Variants in EIF4G3 observed in about 807,000 individuals in gnomAD.
The protein encoded by EIF4G3 is eukaryotic translation initiation factor 4 gamma 3.
EIF4G3 carries 34 observed loss-of-function variants against 186.4 expected under a neutral mutation model. The ratio of observed to expected loss-of-function variants is 0.18; its 90% CI spans 0.14 to 0.24. The LOEUF (loss-of-function observed/expected upper bound fraction) is 0.24, where lower values mean the gene tolerates loss of function less well. Ranked by LOEUF, EIF4G3 falls within the 10% of genes least tolerant of loss-of-function variation. The probability of loss-of-function intolerance (pLI) is 1.00; values close to 1 mark genes in which losing one functional copy is unlikely to be tolerated. For synonymous variants in EIF4G3, 673 were observed against 679.5 expected, an observed-to-expected ratio of 0.99 and a Z score of 0.15; for missense variants, 1,536 against 1,948.5, an observed-to-expected ratio of 0.79 and a Z score of 3.99.
intron 4 of EIF4G3, among the ~76,000 whole-genome samples, chr1:21,032,360 C>T (rs1055882310): frequency 2.0e-5 from 3 of 152,110 alleles, no homozygotes; most frequent in African/African-American, 7.2e-5. Flanking sequence ...CATTACAATT[C>T]AAAGTCTATC....
At chr1:20,825,509 A>T (rs2063391842) in intron 32 of EIF4G3, among the ~76,000 whole-genome samples, 1 of 152,206 alleles carries the variant, frequency 6.6e-6, no homozygotes, top group Non-Finnish European at 1.5e-5. Flanking sequence ...TGACTTTCAA[A>T]CTAAGATGTC....
At chr1:21,175,296 T>C (rs2098080520) in intron 2 of EIF4G3, 1 of 152,172 alleles carries the variant, frequency 6.6e-6, no homozygotes, top group Non-Finnish European at 1.5e-5. Context: ...ACCAAGTCTT[T>C]TCAATCAAAG....
chr1:20,900,228 T>C (rs1308370812), intron 15 of EIF4G3, among the ~76,000 whole-genome samples: 3 of 152,186 alleles, frequency 2.0e-5, no homozygotes, highest in Non-Finnish European at 4.4e-5. Context: ...TGTTAATCCA[T>C]GGAACTTTAT....
chr1:20,933,158 G>A (rs2095392711), intron 14 of EIF4G3, among the ~76,000 whole-genome samples: 1 of 152,136 alleles, frequency 6.6e-6, no homozygotes, highest in Non-Finnish European at 1.5e-5. Flanking sequence ...GCATCCTGAA[G>A]AGCTTAAAAA....
At chr1:21,137,343 A>G (rs1414437190) in intron 2 of EIF4G3, among the ~76,000 whole-genome samples, 5 of 152,044 alleles carry the variant, frequency 3.3e-5, no homozygotes, top group Admixed American at 2.6e-4. Flanking sequence ...ACGAGGTCTC[A>G]CTACACTGCT....
chr1:21,144,070 C>T (rs1558166634), intron 2 of EIF4G3, among the ~76,000 whole-genome samples: 2 of 152,140 alleles, frequency 1.3e-5, no homozygotes, highest in Non-Finnish European at 2.9e-5. Context: ...CTAAATGAAG[C>T]AATTTCATGT....
In EIF4G3 at chr1:20,970,285, G is replaced by C. The variant is rs115557794; in HGVS notation, c.592-689C>G. ...ATCATGCCTTTTCCAGCAAAGACTG[G>C]AAAAAGGTTGATCGAGAACAGAATA... On this transcript the variant is annotated intron_variant, in intron 11 of 36. Transcript: ENST00000602326. Among the ~76,000 whole-genome samples, 794 of 152,244 alleles carry C rather than the reference G, an allele frequency of 5.2e-3. 14 individuals are homozygous for C. Among genetic ancestry groups the C allele is most frequent in the East Asian group, 0.024 (125 of 5,178 alleles).
At chr1:21,064,335 A>G (rs770779803) in intron 3 of EIF4G3, among the ~76,000 whole-genome samples, 1 of 152,182 alleles carries the variant, frequency 6.6e-6, no homozygotes, top group Non-Finnish European at 1.5e-5. Flanking sequence ...CAGGAATAGG[A>G]TTTAATGAGT....
At chr1:21,024,480 CG>C (rs1183421429) in intron 4 of EIF4G3, among the ~76,000 whole-genome samples, 1 of 149,762 alleles carries the variant, frequency 6.7e-6, no homozygotes. Flanking sequence ...ATTGAGAAAT[CG>C]GATGGTTGCC....
At chr1:20,815,510 G>T (rs1570929662) in intron 34 of EIF4G3, among the ~76,000 whole-genome samples, 1 of 151,902 alleles carries the variant, frequency 6.6e-6, no homozygotes, top group African/African-American at 2.4e-5. Context: ...CTGCCCGGCC[G>T]CCCCGTCTGA....
intron 15 of EIF4G3, among the ~76,000 whole-genome samples, chr1:20,901,209 A>G (rs1383821850): frequency 6.6e-6 from 1 of 152,174 alleles, no homozygotes; most frequent in Non-Finnish European, 1.5e-5. Context: ...GAAACAATTT[A>G]TTTTATAAAG....
At chr1:20,889,221 T>C (rs1037352454) in intron 18 of EIF4G3, among the ~76,000 whole-genome samples, 2 of 152,202 alleles carry the variant, frequency 1.3e-5, no homozygotes, top group Non-Finnish European at 2.9e-5. Context: ...TTCCACTGCC[T>C]ACTTGGATAA....
chr1:21,051,432 T>A (rs1484390416), intron 3 of EIF4G3, among the ~76,000 whole-genome samples: 1 of 152,166 alleles, frequency 6.6e-6, no homozygotes, highest in African/African-American at 2.4e-5. Context: ...ATTGAATGTC[T>A]CTGCTTGTCA....
rs548281156 is a variant in EIF4G3 at position 21,168,341 on chromosome 1, T to A, written c.-272+7834A>T. Among the ~76,000 whole-genome samples, 19 of 151,638 alleles carry A rather than the reference T, an allele frequency of 1.3e-4. No homozygotes were observed. In the East Asian group the frequency reaches 2.4e-3, roughly 19 times the overall value. ...AATTGCTTGACCCGGGAGGCCAAGG[T>A]TGCAGTGAGCTGAGATCGTGCCACT... On this transcript the variant is annotated intron_variant, in intron 2 of 36. Coordinates refer to ENST00000602326, the MANE Select transcript of EIF4G3 (RefSeq NM_001391906.1).
chr1:20,896,399 G>A (rs1019471171), intron 16 of EIF4G3, among the ~76,000 whole-genome samples: 62 of 141,404 alleles, frequency 4.4e-4, no homozygotes, highest in African/African-American at 1.6e-3. Context: ...TTGCACCACT[G>A]CACTCTAGCC....
intron 23 of EIF4G3, 39 bp from the exon 24 acceptor site, chr1:20,860,556 T>A (rs778191821): frequency 2.4e-5 from 38 of 1,582,146 alleles, no homozygotes; most frequent in Non-Finnish European, 3.3e-5. Context: ...CCAGATAAAC[T>A]GAACATTTTT....
intron 2 of EIF4G3, among the ~76,000 whole-genome samples, chr1:21,103,978 C>T (rs763458198): frequency 2.0e-5 from 3 of 152,162 alleles, no homozygotes; most frequent in Non-Finnish European, 4.4e-5. Flanking sequence ...CCATTTCTAA[C>T]GTTATCCCTT....
intron 14 of EIF4G3, among the ~76,000 whole-genome samples, chr1:20,933,884 T>G (rs796636615): frequency 6.6e-6 from 1 of 152,128 alleles, no homozygotes; most frequent in African/African-American, 2.4e-5. Flanking sequence ...TGTCAGATAA[T>G]TGGAAATTTA....
chr1:21,173,944 C>T (rs1392607025), intron 2 of EIF4G3, among the ~76,000 whole-genome samples: 2 of 152,154 alleles, frequency 1.3e-5, no homozygotes, highest in African/African-American at 4.8e-5. Context: ...ACCCCATTAC[C>T]AGTTGATAAC....
Sources: gnomAD v4.1 joint callset for allele counts (sites outside exome capture counted in the v4.1 genomes callset) on GRCh38, gnomAD v4.1.1 for gene constraint, MANE v1.5 for transcripts, NCBI Gene and HGNC (gene_info 2026-07-23, HGNC 2026-07-21) for gene names.